Variants in CEP83 observed in about 807,000 individuals in gnomAD.
The protein encoded by CEP83 is centrosomal protein of 83 kDa.
In CEP83, 70 loss-of-function variants were observed where a neutral mutation model predicts 101.9. The observed-to-expected ratio is 0.69, with a 90% CI of 0.57 to 0.84. The LOEUF is 0.84. Ranked by LOEUF, CEP83 falls within the 40% of genes least tolerant of loss-of-function variation. The pLI is 0.00. For missense variants in CEP83, 715 were observed against 787.2 expected (o/e 0.91, Z 1.10); for synonymous variants, 264 against 267.9 (o/e 0.99, Z 0.14).
chr12:94,313,921 T>G (rs531022492), intron 14 of CEP83, among the ~76,000 whole-genome samples: 2 of 152,264 alleles, frequency 1.3e-5, no homozygotes, highest in African/African-American at 4.8e-5. Context: ...TTAATAAAAC[T>G]GAAGGATCAG....
chr12:94,370,878 G>C (rs893829162), intron 8 of CEP83, among the ~76,000 whole-genome samples: 1 of 152,040 alleles, frequency 6.6e-6, no homozygotes, highest in Non-Finnish European at 1.5e-5. Context: ...CCCAGCCACT[G>C]GGGAGACTGA....
At chr12:94,445,272 TACAC>T (rs3069395) in intron 1 of CEP83, among the ~76,000 whole-genome samples, 1 of 150,210 alleles carries the variant, frequency 6.7e-6, no homozygotes, top group South Asian at 2.1e-4. Flanking sequence ...GCCTTTTCCA[TACAC>T]ACACACACAC....
At position 94,368,047 on chromosome 12, in the gene CEP83, A is replaced by G. The variant is rs936780297; in HGVS notation, c.1193+10T>C. 2.5e-6 allele frequency: 4 copies of G among 1,610,890 alleles called. No homozygotes were observed. The highest frequency in any genetic ancestry group is 3.4e-6 in the Non-Finnish European group (4 of 1,178,152). The stretch of plus-strand genomic sequence containing the variant: ...ATATTTAAGTCAAACTAAGGTAATT[A>G]AGTACTTACTTTTCATCTTGTAATA... On this transcript the variant is annotated intron_variant, in intron 10 of 16. Transcript: ENST00000397809.
At chr12:94,381,889 C>G (rs1593568503) in intron 6 of CEP83, among the ~76,000 whole-genome samples, 1 of 151,958 alleles carries the variant, frequency 6.6e-6, no homozygotes, top group Non-Finnish European at 1.5e-5. Context: ...ATCCTTTAAC[C>G]AAGATTCCCC....
At chr12:94,368,949 G>T (rs1441938849) in intron 9 of CEP83, 1 of 152,206 alleles carries the variant, frequency 6.6e-6, no homozygotes, top group African/African-American at 2.4e-5. Flanking sequence ...GAGCCCAGGA[G>T]TTCAAGGCTA....
chr12:94,457,924 C>T (rs138514277), intron 1 of CEP83, among the ~76,000 whole-genome samples: 13 of 152,204 alleles, frequency 8.5e-5, no homozygotes, highest in Non-Finnish European at 1.6e-4. Flanking sequence ...AGGCCAGGCA[C>T]GCTGGCTCAC....
At chr12:94,297,226 T>C in the CEP83 span, 1 of 1,613,970 alleles carries the variant, frequency 6.2e-7, no homozygotes, top group South Asian at 1.1e-5. Flanking sequence ...ATTTGGTGAG[T>C]TCAGGCTTTC....
At chr12:94,289,262 C>T in the CEP83 span, among the ~76,000 whole-genome samples, 2 of 152,136 alleles carry the variant, frequency 1.3e-5, no homozygotes, top group East Asian at 3.9e-4. Context: ...TGAGTGATTA[C>T]AACTTCTCAT....
At chr12:94,315,690 C>T (rs1970571104) in intron 14 of CEP83, among the ~76,000 whole-genome samples, 1 of 151,470 alleles carries the variant, frequency 6.6e-6, no homozygotes, top group Non-Finnish European at 1.5e-5. Flanking sequence ...CATCTAGAAG[C>T]TTTATTTTTT....
intron 11 of CEP83, among the ~76,000 whole-genome samples, chr12:94,349,512 G>GA (rs2060106114): frequency 2.0e-5 from 3 of 151,748 alleles, no homozygotes; most frequent in African/African-American, 4.8e-5. Flanking sequence ...AAAGAATGAA[G>GA]AAAAAAATGC....
At chr12:94,389,796 C>G (rs2062399581) in intron 6 of CEP83, among the ~76,000 whole-genome samples, 1 of 152,212 alleles carries the variant, frequency 6.6e-6, no homozygotes, top group Admixed American at 6.5e-5. Context: ...TCTTAGCAAC[C>G]AGCAAACAAG....
chr12:94,446,198 G>GT (rs888815666), intron 1 of CEP83, among the ~76,000 whole-genome samples: 68 of 151,966 alleles, frequency 4.5e-4, no homozygotes, highest in African/African-American at 1.3e-3. Context: ...TATCTTACTT[G>GT]TTTTTTTTAC....
At chr12:94,402,512 G>T (rs975393295) in intron 5 of CEP83, among the ~76,000 whole-genome samples, 1 of 152,200 alleles carries the variant, frequency 6.6e-6, no homozygotes, top group South Asian at 2.1e-4. Context: ...AGCAGTCAAA[G>T]TAGGCCCCAT....
the CEP83 span, among the ~76,000 whole-genome samples, chr12:94,285,544 A>G: frequency 6.6e-6 from 1 of 152,150 alleles, no homozygotes; most frequent in Non-Finnish European, 1.5e-5. Flanking sequence ...TCTTGCCAAG[A>G]GCAGTCGTTC....
chr12:94,270,763 C>CTT, the CEP83 span, among the ~76,000 whole-genome samples: 21 of 147,664 alleles, frequency 1.4e-4, no homozygotes, highest in African/African-American at 3.7e-4. Flanking sequence ...ATCTCCATTA[C>CTT]TTTTTTTTTT....
chr12:94,343,775 G>A (rs2059811509), intron 11 of CEP83, among the ~76,000 whole-genome samples: 1 of 151,360 alleles, frequency 6.6e-6, no homozygotes, highest in Non-Finnish European at 1.5e-5. Flanking sequence ...TTACAGGCGT[G>A]AGCCACCGCG....
At chr12:94,298,696 C>T in the CEP83 span, 5 of 1,612,858 alleles carry the variant, frequency 3.1e-6, no homozygotes, top group Admixed American at 1.7e-5. Flanking sequence ...AACAGCAGAG[C>T]TCCATTTGCT....
intron 14 of CEP83, among the ~76,000 whole-genome samples, chr12:94,313,726 A>G (rs1970234148): frequency 6.6e-6 from 1 of 151,786 alleles, no homozygotes; most frequent in Non-Finnish European, 1.5e-5. Flanking sequence ...AGTTCCAGCT[A>G]CTCAGGAGGC....
At chr12:94,425,217 A>G (rs1299619444) in intron 2 of CEP83, among the ~76,000 whole-genome samples, 1 of 152,232 alleles carries the variant, frequency 6.6e-6, no homozygotes, top group Non-Finnish European at 1.5e-5. Context: ...CTCAGCTCAC[A>G]TAACCTGAGC....
Sources: allele counts gnomAD v4.1 joint callset (sites outside exome capture counted in the v4.1 genomes callset), GRCh38; gene constraint gnomAD v4.1.1; transcripts MANE v1.5; gene names NCBI Gene and HGNC (gene_info 2026-07-23, HGNC 2026-07-21).